The following KCNAB1 variants were observed in gnomAD, a reference collection of about 807,000 sequenced individuals.
The protein encoded by KCNAB1 is voltage-gated potassium channel subunit beta-1.
KCNAB1 carries 35 observed loss-of-function variants against 64.6 expected under a neutral mutation model. That is an observed-to-expected ratio of 0.54 (90% CI 0.41 to 0.72). The LOEUF (loss-of-function observed/expected upper bound fraction) is 0.72. KCNAB1 is among the 30% of genes least tolerant of loss of function. The probability of loss-of-function intolerance (pLI) is 0.00; values close to 1 mark genes in which losing one functional copy is unlikely to be tolerated. For missense variants in KCNAB1, 401 were observed against 512.9 expected (o/e 0.78, Z 2.11); for synonymous variants, 177 against 183.8 (o/e 0.96, Z 0.30).
At chr3:156,270,335 T>C (rs996718997) in intron 1 of KCNAB1, among the ~76,000 whole-genome samples, 1 of 152,194 alleles carries the variant, frequency 6.6e-6, no homozygotes, top group Non-Finnish European at 1.5e-5. Flanking sequence ...TATTTTTTTT[T>C]CTAGTGGTTT....
intron 1 of KCNAB1, among the ~76,000 whole-genome samples, chr3:156,320,986 G>T (rs1722618121): frequency 2.0e-5 from 3 of 151,490 alleles, no homozygotes; most frequent in Non-Finnish European, 4.4e-5. Context: ...ACTCTTATAG[G>T]CACCAGGGTC....
At chr3:156,481,430 A>C (rs1010697716) in intron 8 of KCNAB1, among the ~76,000 whole-genome samples, 9 of 151,996 alleles carry the variant, frequency 5.9e-5, no homozygotes, top group Non-Finnish European at 1.2e-4. Context: ...AAAAAAAAAA[A>C]AAAAAAAGTG....
chr3:156,183,680 T>C (rs1248444193), intron 1 of KCNAB1, among the ~76,000 whole-genome samples: 1 of 152,168 alleles, frequency 6.6e-6, no homozygotes, highest in African/African-American at 2.4e-5. Flanking sequence ...GGGTTTGTAG[T>C]ACAGAACCTA....
At chr3:156,141,255 T>TA (rs1388870606) in intron 1 of KCNAB1, among the ~76,000 whole-genome samples, 1 of 152,162 alleles carries the variant, frequency 6.6e-6, no homozygotes, top group East Asian at 1.9e-4. Flanking sequence ...TTTCCAATAT[T>TA]ATATGCACTC....
intron 1 of KCNAB1, among the ~76,000 whole-genome samples, chr3:156,410,707 C>T (rs573944144): frequency 6.6e-6 from 1 of 152,294 alleles, no homozygotes; most frequent in South Asian, 2.1e-4. Context: ...TCTAGAATGT[C>T]ATGTAAGTGG....
chr3:156,446,359 C>A (rs965341782), intron 2 of KCNAB1, among the ~76,000 whole-genome samples: 1 of 152,174 alleles, frequency 6.6e-6, no homozygotes, highest in African/African-American at 2.4e-5. Context: ...TTATACTATA[C>A]AACTGAGACA....
chr3:156,534,439 G>A (rs897880629), intron 13 of KCNAB1, among the ~76,000 whole-genome samples: 8 of 151,950 alleles, frequency 5.3e-5, no homozygotes, highest in African/African-American at 1.9e-4. Context: ...TGGGAGAACC[G>A]CCTCTCCCCC....
chr3:156,199,878 T>C (rs1382160238), intron 1 of KCNAB1, among the ~76,000 whole-genome samples: 1 of 152,214 alleles, frequency 6.6e-6, no homozygotes, highest in African/African-American at 2.4e-5. Context: ...GAAGTTGTGA[T>C]CCTTTGGAGG....
chr3:156,332,993 C>T (rs1387938254), intron 1 of KCNAB1, among the ~76,000 whole-genome samples: 1 of 152,100 alleles, frequency 6.6e-6, no homozygotes, highest in Admixed American at 6.6e-5. Context: ...GTTGGCCTTG[C>T]CAGGTAAAGC....
rs1716209021 is a variant in KCNAB1 at position 156,499,167 on chromosome 3, T to C, written c.659-15197T>C. Among the ~76,000 whole-genome samples, 3 of 152,260 alleles carry C rather than the reference T, an allele frequency of 2.0e-5. No homozygotes were observed. In the South Asian group the frequency reaches 6.2e-4, roughly 31 times the overall value. ...TTTATCAGAGAGTCCTTCTCCATCA[T>C]GACAATGTTCCTGCTCAAACAAAGG... On this transcript the variant is annotated intron_variant, in intron 8 of 13. Transcript: ENST00000490337.
chr3:156,205,044 T>C (rs1414288402), intron 1 of KCNAB1, among the ~76,000 whole-genome samples: 3 of 152,164 alleles, frequency 2.0e-5, no homozygotes, highest in African/African-American at 7.2e-5. Context: ...CCTTGGCAAT[T>C]GATAATTATA....
intron 1 of KCNAB1, among the ~76,000 whole-genome samples, chr3:156,226,670 A>G (rs1716197933): frequency 6.6e-6 from 1 of 151,862 alleles, no homozygotes; most frequent in African/African-American, 2.4e-5. Context: ...GTAACCAAGT[A>G]CCACCTGTTC....
intron 5 of KCNAB1, among the ~76,000 whole-genome samples, chr3:156,462,118 T>C (rs976702330): frequency 6.6e-6 from 1 of 152,248 alleles, no homozygotes; most frequent in Non-Finnish European, 1.5e-5. Context: ...GGCTGTGCTG[T>C]ATCACTGTAA....
chr3:156,439,224 A>ATTTTTTTTTT, intron 2 of KCNAB1, among the ~76,000 whole-genome samples: 2 of 115,092 alleles, frequency 1.7e-5, no homozygotes, highest in Non-Finnish European at 3.5e-5. Flanking sequence ...CATCATTGTG[A>ATTTTTTTTTT]TTTTTTTTTT....
rs537766079 is a variant in KCNAB1 at position 156,149,531 on chromosome 3, A to T, written c.275+28645A>T. Among the ~76,000 whole-genome samples, 100 of 152,194 alleles carry T rather than the reference A, an allele frequency of 6.6e-4. 1 individual carries two copies. In the Middle Eastern group the frequency reaches 0.01, roughly 16 times the overall value. On this transcript the variant is annotated intron_variant, in intron 1 of 13. Coordinates refer to ENST00000490337, the MANE Select transcript of KCNAB1 (RefSeq NM_172160.3). The stretch of plus-strand genomic sequence containing the variant: ...AAGACTCCAGAGATAAGTAGGAACA[A>T]TTTTTCACCTGAACCCCTCTCTGTG...
chr3:156,244,427 A>G, intron 1 of KCNAB1, among the ~76,000 whole-genome samples: 1 of 152,168 alleles, frequency 6.6e-6, no homozygotes, highest in East Asian at 1.9e-4. Context: ...CCTTAACATA[A>G]TTACACCACC....
chr3:156,504,072 C>T (rs1237463184), intron 8 of KCNAB1, among the ~76,000 whole-genome samples: 1 of 152,184 alleles, frequency 6.6e-6, no homozygotes, highest in Non-Finnish European at 1.5e-5. Context: ...CCCTCCCACT[C>T]ATCCCAGCCT....
At chr3:156,408,742 T>G (rs904656916) in intron 1 of KCNAB1, among the ~76,000 whole-genome samples, 1 of 151,730 alleles carries the variant, frequency 6.6e-6, no homozygotes, top group South Asian at 2.1e-4. Flanking sequence ...ATGGTGCCAC[T>G]GCACTGCAGC....
intron 1 of KCNAB1, among the ~76,000 whole-genome samples, chr3:156,342,183 C>T (rs375883153): frequency 1.3e-5 from 2 of 152,166 alleles, no homozygotes; most frequent in East Asian, 3.8e-4. Flanking sequence ...GCCACACTTC[C>T]TTTCACTTCT....
Sources: allele counts gnomAD v4.1 joint callset (sites outside exome capture counted in the v4.1 genomes callset), GRCh38; gene constraint gnomAD v4.1.1; transcripts MANE v1.5; gene names NCBI Gene and HGNC (gene_info 2026-07-23, HGNC 2026-07-21).